RAB38: variants seen among roughly 807,000 people sequenced by gnomAD.
The protein encoded by RAB38 is RAB38, member RAS oncogene family.
In RAB38, 15 loss-of-function variants were observed where a neutral mutation model predicts 18.4. That is an observed-to-expected ratio of 0.82 (90% CI 0.55 to 1.26). The LOEUF (loss-of-function observed/expected upper bound fraction) is 1.26, where lower values mean the gene tolerates loss of function less well. Ranked by LOEUF, RAB38 falls within the 50% of genes most tolerant of loss-of-function variation. The pLI, the probability that RAB38 is intolerant of heterozygous loss-of-function variation, is 0.00. For synonymous variants in RAB38, 101 were observed against 104.4 expected (o/e 0.97, Z 0.20); for missense variants, 294 against 267.4 (o/e 1.10, Z -0.69).
At chr11:88,097,054 A>G in the RAB38 span, among the ~76,000 whole-genome samples, 1 of 151,920 alleles carries the variant, frequency 6.6e-6, no homozygotes, top group African/African-American at 2.4e-5. Flanking sequence ...GAAAAAAAAG[A>G]GATCTATATC....
the RAB38 span, among the ~76,000 whole-genome samples, chr11:88,034,117 A>T: frequency 2.5e-4 from 38 of 152,228 alleles, no homozygotes; most frequent in African/African-American, 8.9e-4. Flanking sequence ...AATTTTGTCA[A>T]TTCAATAATG....
the RAB38 span, among the ~76,000 whole-genome samples, chr11:87,975,235 C>G: frequency 6.6e-6 from 1 of 151,872 alleles, no homozygotes; most frequent in African/African-American, 2.4e-5. Flanking sequence ...TTAGGTGCAT[C>G]TGCGAAGAAA....
chr11:87,932,800 G>A, the RAB38 span, among the ~76,000 whole-genome samples: 1 of 152,084 alleles, frequency 6.6e-6, no homozygotes, highest in African/African-American at 2.4e-5. Flanking sequence ...AATGGCAGCT[G>A]TGTCCCAGGC....
At chr11:88,049,671 T>C in the RAB38 span, among the ~76,000 whole-genome samples, 1 of 152,216 alleles carries the variant, frequency 6.6e-6, no homozygotes, top group Non-Finnish European at 1.5e-5. Context: ...GGACCTCCCT[T>C]GGGAGATCAA....
intron 1 of RAB38, chr11:88,167,765 C>T (rs1943262717): frequency 6.6e-6 from 1 of 152,008 alleles, no homozygotes; most frequent in Non-Finnish European, 1.5e-5. Context: ...TTATTAAGAA[C>T]CCCAGGCTAG....
chr11:88,027,875 T>C, the RAB38 span, among the ~76,000 whole-genome samples: 34 of 152,160 alleles, frequency 2.2e-4, no homozygotes, highest in Non-Finnish European at 3.7e-4. Context: ...AAGAGAGCAG[T>C]GGTTCTCCCA....
chr11:88,031,922 G>T, the RAB38 span, among the ~76,000 whole-genome samples: 1 of 151,836 alleles, frequency 6.6e-6, no homozygotes, highest in African/African-American at 2.4e-5. Context: ...GCATCGCCAA[G>T]TCAATCCTAA....
At chr11:87,953,986 T>G in the RAB38 span, among the ~76,000 whole-genome samples, 1 of 152,138 alleles carries the variant, frequency 6.6e-6, no homozygotes, top group Non-Finnish European at 1.5e-5. Flanking sequence ...GGAAAGACAT[T>G]CCAGCAGGAG....
the RAB38 span, among the ~76,000 whole-genome samples, chr11:88,024,903 G>A: frequency 1.6e-5 from 2 of 125,092 alleles, no homozygotes; most frequent in South Asian, 5.3e-4. Context: ...GATGATTAAT[G>A]GGCACAAAAA....
At chr11:88,042,140 G>GA in the RAB38 span, among the ~76,000 whole-genome samples, 159 of 148,660 alleles carry the variant, frequency 1.1e-3, no homozygotes, top group East Asian at 0.023. Context: ...TTCCTCTGAA[G>GA]AAAAAAAAAA....
At chr11:87,970,980 A>G in the RAB38 span, among the ~76,000 whole-genome samples, 2 of 152,068 alleles carry the variant, frequency 1.3e-5, no homozygotes, top group Admixed American at 6.6e-5. Context: ...GATTTAAAAA[A>G]CAAAGAGAGC....
chr11:87,829,866 A>C, the RAB38 span, among the ~76,000 whole-genome samples: 1 of 152,172 alleles, frequency 6.6e-6, no homozygotes, highest in Admixed American at 6.6e-5. Flanking sequence ...GCACATATTA[A>C]TTTAACAATC....
chr11:87,966,381 G>A, the RAB38 span, among the ~76,000 whole-genome samples: 2 of 152,136 alleles, frequency 1.3e-5, no homozygotes, highest in Admixed American at 6.6e-5. Context: ...TCAGCACTAG[G>A]AGATGGAAAC....
chr11:87,895,651 G>A, the RAB38 span, among the ~76,000 whole-genome samples: 1 of 151,590 alleles, frequency 6.6e-6, no homozygotes, highest in Non-Finnish European at 1.5e-5. Context: ...TACTTCCACT[G>A]CACCGGCTGA....
the RAB38 span, among the ~76,000 whole-genome samples, chr11:87,851,890 A>G: frequency 5.3e-5 from 8 of 152,154 alleles, no homozygotes; most frequent in South Asian, 2.1e-4. Flanking sequence ...ACTAACAAAA[A>G]CAGATTAACA....
At chr11:88,127,668 T>C (rs756256513) in intron 2 of RAB38, among the ~76,000 whole-genome samples, 4 of 152,218 alleles carry the variant, frequency 2.6e-5, no homozygotes, top group Non-Finnish European at 5.9e-5. Context: ...TTTTCTAAAA[T>C]ATGATTTTAA....
At chr11:87,953,302 G>T in the RAB38 span, among the ~76,000 whole-genome samples, 3 of 152,162 alleles carry the variant, frequency 2.0e-5, no homozygotes, top group Admixed American at 6.5e-5. Flanking sequence ...AAGTAGTGAT[G>T]AATGTATAAG....
At chr11:88,162,675 C>T (rs1018635857) in intron 1 of RAB38, among the ~76,000 whole-genome samples, 1 of 152,020 alleles carries the variant, frequency 6.6e-6, no homozygotes, top group Non-Finnish European at 1.5e-5. Context: ...GAACATACAG[C>T]TGGTTACTAG....
chr11:87,869,105 A>G, the RAB38 span, among the ~76,000 whole-genome samples: 1 of 151,686 alleles, frequency 6.6e-6, no homozygotes, highest in Non-Finnish European at 1.5e-5. Context: ...GAGCAAAACC[A>G]TAAAACAAAC....
Sources: gnomAD v4.1 joint callset for allele counts (sites outside exome capture counted in the v4.1 genomes callset) on GRCh38, gnomAD v4.1.1 for gene constraint, MANE v1.5 for transcripts, NCBI Gene and HGNC (gene_info 2026-07-23, HGNC 2026-07-21) for gene names.